Variants in EPM2A observed in about 807,000 individuals in gnomAD.
The protein encoded by EPM2A is laforin.
Under a neutral mutation model 26.5 loss-of-function variants are expected in EPM2A, and 21 were observed. The observed-to-expected ratio is 0.79, with a 90% CI of 0.56 to 1.14. EPM2A has a LOEUF of 1.14. EPM2A is among the 50% of genes most tolerant of loss of function. EPM2A has a pLI of 0.00. For missense variants in EPM2A, 458 were observed against 440.8 expected (o/e 1.04, Z -0.35); for synonymous variants, 217 against 177.6 (o/e 1.22, Z -1.76).
chr6:145,546,827 C>T (rs1562377672), intron 2 of EPM2A, among the ~76,000 whole-genome samples: 1 of 152,032 alleles, frequency 6.6e-6, no homozygotes, highest in Non-Finnish European at 1.5e-5. Flanking sequence ...ATGATCTTCC[C>T]TCCTCATTTT....
chr6:145,590,991 AACTT>A (rs1781266898), intron 2 of EPM2A, among the ~76,000 whole-genome samples: 1 of 152,180 alleles, frequency 6.6e-6, no homozygotes, highest in Non-Finnish European at 1.5e-5. Context: ...AAAAGTTAAT[AACTT>A]GCTAGAATAG....
chr6:145,689,998 T>TGTAGGAAGCA (rs1356922831), intron 1 of EPM2A, among the ~76,000 whole-genome samples: 2 of 151,836 alleles, frequency 1.3e-5, no homozygotes, highest in Admixed American at 6.5e-5. Context: ...GTGGATGCCA[T>TGTAGGAAGCA]GTAGGAAGCA....
chr6:145,487,719 C>CT (rs1282446940), intron 4 of EPM2A, among the ~76,000 whole-genome samples: 1 of 152,054 alleles, frequency 6.6e-6, no homozygotes, highest in Non-Finnish European at 1.5e-5. Context: ...AGATATTAGA[C>CT]TTTTTTCAGA....
chr6:145,727,370 T>A (rs1373834089), intron 1 of EPM2A, among the ~76,000 whole-genome samples: 3 of 152,186 alleles, frequency 2.0e-5, no homozygotes, highest in Non-Finnish European at 4.4e-5. Context: ...TGGATGGGAT[T>A]CATAGCAGAT....
chr6:145,670,179 T>C (rs554891003), intron 2 of EPM2A, among the ~76,000 whole-genome samples: 1 of 152,332 alleles, frequency 6.6e-6, no homozygotes, highest in South Asian at 2.1e-4. Context: ...TATTCTGCTA[T>C]GGCTCCCACC....
At chr6:145,554,411 AGATAGATAGAT>A (rs1228717953) in intron 2 of EPM2A, among the ~76,000 whole-genome samples, 5 of 146,926 alleles carry the variant, frequency 3.4e-5, no homozygotes, top group Non-Finnish European at 4.5e-5. Flanking sequence ...GATAATAGAG[AGATAGATAGAT>A]GATAGATAGA....
At chr6:145,464,271 T>G (rs1779359795) in intron 4 of EPM2A, among the ~76,000 whole-genome samples, 1 of 152,162 alleles carries the variant, frequency 6.6e-6, no homozygotes, top group African/African-American at 2.4e-5. Flanking sequence ...CTTCCCCTTC[T>G]GCCATGATTG....
intron 2 of EPM2A, among the ~76,000 whole-genome samples, chr6:145,525,321 T>C (rs1025662559): frequency 1.3e-5 from 2 of 152,014 alleles, no homozygotes; most frequent in Non-Finnish European, 2.9e-5. Flanking sequence ...TTTAGAACAG[T>C]ATTTTCTAAT....
intron 2 of EPM2A, among the ~76,000 whole-genome samples, chr6:145,538,400 A>G (rs1780463531): frequency 6.6e-6 from 1 of 152,222 alleles, no homozygotes; most frequent in Non-Finnish European, 1.5e-5. Flanking sequence ...ATTTGTTTGA[A>G]TGTAAATAAG....
chr6:145,562,841 G>GA (rs1780827228), intron 2 of EPM2A, among the ~76,000 whole-genome samples: 1 of 151,834 alleles, frequency 6.6e-6, no homozygotes, highest in Admixed American at 6.6e-5. Context: ...GATGAGACTG[G>GA]AAAATGGTGA....
At chr6:145,656,800 A>C (rs974424234) in intron 2 of EPM2A, among the ~76,000 whole-genome samples, 4 of 152,188 alleles carry the variant, frequency 2.6e-5, no homozygotes, top group African/African-American at 9.7e-5. Context: ...ACAGTACTGG[A>C]AGTGCTGGAA....
In EPM2A at chr6:145,692,018, T is replaced by C. The variant is rs116929136; in HGVS notation, c.302-5722A>G. Among the ~76,000 whole-genome samples, 625 of 152,056 alleles carry C rather than the reference T, an allele frequency of 4.1e-3. 18 individuals carry two copies. In the East Asian group the frequency reaches 0.07, roughly 17 times the overall value. ...TCAAATTATATACACAGGTGGGAAG[T>C]AAAAGCATAGAAAAAGATATACTAT... On this transcript the variant is annotated intron_variant, in intron 1 of 3. Transcript: ENST00000367519.
At chr6:145,436,097 A>G (rs1354094385) in intron 4 of EPM2A, among the ~76,000 whole-genome samples, 1 of 152,124 alleles carries the variant, frequency 6.6e-6, no homozygotes, top group Non-Finnish European at 1.5e-5. Context: ...TGTTCTGCCT[A>G]TTCATCTCTC....
At chr6:145,672,899 T>A (rs1483169665) in intron 2 of EPM2A, among the ~76,000 whole-genome samples, 5 of 152,262 alleles carry the variant, frequency 3.3e-5, no homozygotes, top group Non-Finnish European at 5.9e-5. Flanking sequence ...AGGTTTCCCA[T>A]CTAAATAGGG....
At chr6:145,490,177 A>G in intron 4 of EPM2A, 1 of 1,029,032 alleles carries the variant, frequency 9.7e-7, no homozygotes, top group South Asian at 1.6e-5. Flanking sequence ...CCATTACTAG[A>G]CGCTCTGAAA....
chr6:145,506,798 G>T (rs373810240), intron 2 of EPM2A, among the ~76,000 whole-genome samples: 105 of 152,320 alleles, frequency 6.9e-4, no homozygotes, highest in African/African-American at 2.4e-3. Flanking sequence ...TGAAGCCAAG[G>T]AGGCCACACT....
intron 4 of EPM2A, among the ~76,000 whole-genome samples, chr6:145,431,519 A>T (rs553757331): frequency 6.6e-6 from 1 of 152,250 alleles, no homozygotes; most frequent in Non-Finnish European, 1.5e-5. Flanking sequence ...TTATGTTTAC[A>T]CTATACTGTG....
intron 2 of EPM2A, among the ~76,000 whole-genome samples, chr6:145,506,932 C>A (rs756515675): frequency 6.6e-5 from 10 of 152,138 alleles, no homozygotes; most frequent in Non-Finnish European, 1.2e-4. Flanking sequence ...GCTGTGAACA[C>A]CATGGAGAGC....
intron 2 of EPM2A, among the ~76,000 whole-genome samples, chr6:145,615,503 T>A (rs138542569): frequency 6.6e-6 from 1 of 152,030 alleles, no homozygotes; most frequent in Admixed American, 6.5e-5. Flanking sequence ...ACAGTATTAG[T>A]ACGGTAGAGT....
Sources: gnomAD v4.1 joint callset for allele counts (sites outside exome capture counted in the v4.1 genomes callset) on GRCh38, gnomAD v4.1.1 for gene constraint, MANE v1.5 for transcripts, NCBI Gene and HGNC (gene_info 2026-07-23, HGNC 2026-07-21) for gene names.